Variants in CCSER1 observed in about 807,000 individuals in gnomAD.
CCSER1 encodes the protein serine-rich coiled-coil domain-containing protein 1.
Under a neutral mutation model 82.0 loss-of-function variants are expected in CCSER1, and 41 were observed. The ratio of observed to expected loss-of-function variants is 0.50; its 90% CI spans 0.39 to 0.65. The LOEUF (loss-of-function observed/expected upper bound fraction) is 0.65. Among genes scored for constraint, CCSER1 ranks in the 30% least tolerant of loss-of-function variants. The probability of loss-of-function intolerance (pLI) is 0.00; values close to 1 mark genes in which losing one functional copy is unlikely to be tolerated. For missense variants in CCSER1, 1,119 were observed against 1,064.2 expected, an observed-to-expected ratio of 1.05 and a Z score of -0.72; for synonymous variants, 414 against 383.9, an observed-to-expected ratio of 1.08 and a Z score of -0.92.
At chr4:90,707,899 C>T (rs1022720325) in intron 6 of CCSER1, among the ~76,000 whole-genome samples, 2 of 152,126 alleles carry the variant, frequency 1.3e-5, no homozygotes, top group African/African-American at 4.8e-5. Context: ...GTAGCAGATG[C>T]AGAACACAGC....
intron 10 of CCSER1, among the ~76,000 whole-genome samples, chr4:91,087,040 A>G (rs1360788693): frequency 1.3e-5 from 2 of 152,070 alleles, no homozygotes; most frequent in Non-Finnish European, 2.9e-5. Flanking sequence ...ATGACTGGGG[A>G]AAAAAGGCAC....
At chr4:90,359,942 G>A (rs1050047394) in intron 3 of CCSER1, among the ~76,000 whole-genome samples, 17 of 143,150 alleles carry the variant, frequency 1.2e-4, no homozygotes, top group African/African-American at 2.0e-4. Flanking sequence ...TTTTTGAGAC[G>A]GAGTCTCACA....
intron 4 of CCSER1, among the ~76,000 whole-genome samples, chr4:90,407,108 AC>A (rs1323252690): frequency 6.6e-6 from 1 of 152,224 alleles, no homozygotes. Flanking sequence ...AAATTGATAG[AC>A]CATTAGCGAG....
At chr4:90,884,569 C>T (rs2150086460) in intron 8 of CCSER1, among the ~76,000 whole-genome samples, 1 of 152,116 alleles carries the variant, frequency 6.6e-6, no homozygotes, top group South Asian at 2.1e-4. Flanking sequence ...TGAAAAATGT[C>T]TCTTTTTATT....
chr4:91,291,803 G>GA (rs1224372708), intron 10 of CCSER1, among the ~76,000 whole-genome samples: 6 of 151,968 alleles, frequency 3.9e-5, no homozygotes, highest in Non-Finnish European at 8.8e-5. Context: ...TCTGAGTAAA[G>GA]AAAAGCATGA....
At chr4:90,925,770 T>A (rs538796238) in intron 9 of CCSER1, among the ~76,000 whole-genome samples, 6 of 152,212 alleles carry the variant, frequency 3.9e-5, no homozygotes, top group Non-Finnish European at 8.8e-5. Flanking sequence ...TTTCGTATGT[T>A]ACAGTGATAG....
intron 9 of CCSER1, among the ~76,000 whole-genome samples, chr4:91,079,946 A>G (rs1475221643): frequency 6.6e-6 from 1 of 152,224 alleles, no homozygotes; most frequent in Non-Finnish European, 1.5e-5. Context: ...AAAGGGACTT[A>G]GACTCCCACA....
At chr4:90,173,080 T>C in intron 1 of CCSER1, among the ~76,000 whole-genome samples, 1 of 151,722 alleles carries the variant, frequency 6.6e-6, no homozygotes, top group African/African-American at 2.4e-5. Context: ...CTGTGATACA[T>C]CAAGATGTTG....
chr4:90,852,888 T>G (rs1369346178), intron 8 of CCSER1, among the ~76,000 whole-genome samples: 2 of 152,200 alleles, frequency 1.3e-5, no homozygotes, highest in Non-Finnish European at 2.9e-5. Flanking sequence ...TTTATACTTA[T>G]GGTTCAAAAC....
At chr4:90,341,174 G>C (rs1423381843) in intron 3 of CCSER1, among the ~76,000 whole-genome samples, 2 of 152,094 alleles carry the variant, frequency 1.3e-5, no homozygotes, top group Non-Finnish European at 2.9e-5. Flanking sequence ...CAGCTGGAAT[G>C]TCTGTTTCCT....
At chr4:90,919,767 C>T (rs2150235977) in intron 8 of CCSER1, among the ~76,000 whole-genome samples, 1 of 152,010 alleles carries the variant, frequency 6.6e-6, no homozygotes, top group Admixed American at 6.6e-5. Flanking sequence ...AAAACCTCCA[C>T]ATATTCAGGA....
Position 91,511,537 on chromosome 4 carries a change from G to A in CCSER1, c.2218-87035G>A, listed in dbSNP as rs560396542. Among the ~76,000 whole-genome samples the A allele has an allele frequency of 7.2e-5, 11 of 152,286 alleles. No individual in the cohort carries two copies. The East Asian group carries it at 2.1e-3, about 29-fold the overall frequency. Reference sequence around the variant, plus strand: ...GGCCATGGACTGGTACCACACAGCAGGAGGTGAGCAAGGGAAGATTCATCT... The same window carrying A: ...GGCCATGGACTGGTACCACACAGCAAGAGGTGAGCAAGGGAAGATTCATCT... On this transcript the variant is annotated intron_variant, in intron 10 of 10. Transcript: ENST00000509176.
At position 90,571,466 on chromosome 4, in the gene CCSER1, T is replaced by C. The variant is rs141577868; in HGVS notation, c.1725-56559T>C. Among the ~76,000 whole-genome samples the C allele has an allele frequency of 7.6e-4, 115 of 152,290 alleles. 1 individual carries two copies. In the East Asian group the frequency reaches 0.014, roughly 18 times the overall value. On this transcript the variant is annotated intron_variant, in intron 5 of 10. Coordinates refer to ENST00000509176, the MANE Select transcript of CCSER1 (RefSeq NM_001145065.2). ...ACATGGATGTGGCTGGAGGTCATTG[T>C]CATTATCCTAAGAAGATTAATGCAG...
chr4:91,035,391 A>C (rs939386243), intron 9 of CCSER1, among the ~76,000 whole-genome samples: 3 of 152,252 alleles, frequency 2.0e-5, no homozygotes, highest in East Asian at 1.9e-4. Flanking sequence ...AAAATGATGT[A>C]TCTTAATGTG....
intron 7 of CCSER1, among the ~76,000 whole-genome samples, chr4:90,789,155 G>C (rs1235749517): frequency 1.3e-5 from 2 of 152,042 alleles, no homozygotes; most frequent in South Asian, 4.2e-4. Flanking sequence ...CTGTAATCTG[G>C]ACTCTGCTTC....
At chr4:91,540,475 G>T (rs190662977) in intron 10 of CCSER1, among the ~76,000 whole-genome samples, 1 of 151,990 alleles carries the variant, frequency 6.6e-6, no homozygotes, top group South Asian at 2.1e-4. Context: ...TATCAGATGC[G>T]TATTGAATAT....
intron 4 of CCSER1, among the ~76,000 whole-genome samples, chr4:90,424,631 C>T (rs192790065): frequency 3.4e-4 from 52 of 152,248 alleles, no homozygotes; most frequent in African/African-American, 1.2e-3. Context: ...AATTACATTA[C>T]TCATAGTCTA....
intron 1 of CCSER1, among the ~76,000 whole-genome samples, chr4:90,301,099 G>A (rs1016516527): frequency 9.2e-5 from 14 of 152,050 alleles, no homozygotes; most frequent in Admixed American, 6.6e-5. Context: ...CTCCCGAAAT[G>A]TTGGGATTGA....
Position 91,599,073 on chromosome 4 carries a change from C to CCTGT in CCSER1, c.*19_*22dup. On this transcript the variant is annotated 3_prime_UTR_variant, in exon 11 of 11. Coordinates refer to ENST00000509176, the MANE Select transcript of CCSER1 (RefSeq NM_001145065.2). ...GGATGGGTAATTAAATCACCGTATTCCTGTCTTTGGGTAGGATAAAGATGG... is the reference window on the plus strand; with the variant it reads ...GGATGGGTAATTAAATCACCGTATTCCTGTCTGTCTTTGGGTAGGATAAAGATGG... The CCTGT allele has an allele frequency of 6.6e-7, 1 of 1,518,262 alleles. No homozygotes were observed. Among genetic ancestry groups the CCTGT allele is most frequent in the East Asian group, 2.5e-5 (1 of 40,454 alleles). 94.0% of individuals were successfully genotyped at this position (1,518,262 alleles called of 1,614,324 possible).
Sources: gnomAD v4.1 joint callset for allele counts (sites outside exome capture counted in the v4.1 genomes callset) on GRCh38, gnomAD v4.1.1 for gene constraint, MANE v1.5 for transcripts, NCBI Gene and HGNC (gene_info 2026-07-23, HGNC 2026-07-21) for gene names.